Variants in CD164 observed in about 807,000 individuals in gnomAD.
The protein encoded by CD164 is CD164 molecule.
In CD164, 11 loss-of-function variants were observed where a neutral mutation model predicts 24.6. That is an observed-to-expected ratio of 0.45 (90% confidence interval 0.28 to 0.74). The LOEUF (loss-of-function observed/expected upper bound fraction) is 0.74, where lower values mean the gene tolerates loss of function less well. Ranked by LOEUF, CD164 falls within the 30% of genes least tolerant of loss-of-function variation. The pLI, the probability that CD164 is intolerant of heterozygous loss-of-function variation, is 0.13. For missense variants in CD164, 295 were observed against 243.7 expected, an observed-to-expected ratio of 1.21 and a Z score of -1.40; for synonymous variants, 126 against 100.3, an observed-to-expected ratio of 1.26 and a Z score of -1.53.
chr6:109,379,745 C>A, intron 1 of CD164, 83 bp from the exon 2 acceptor site: 5 of 1,017,002 alleles, frequency 4.9e-6, no homozygotes, highest in Non-Finnish European at 7.5e-6. Flanking sequence ...TCTTTTTGAA[C>A]AATAAGCATT....
chr6:109,381,586 T>C, intron 1 of CD164: 1 of 702,570 alleles, frequency 1.4e-6, no homozygotes, highest in East Asian at 2.7e-5. Flanking sequence ...TACTTTGAAG[T>C]GTGAAGTTTT....
chr6:109,381,609 G>A (rs1337144840), intron 1 of CD164: 6 of 702,276 alleles, frequency 8.5e-6, no homozygotes, highest in Non-Finnish European at 1.3e-5. Flanking sequence ...CTAACTACGT[G>A]CTCAAACGTC....
intron 4 of CD164, among the ~76,000 whole-genome samples, chr6:109,374,345 G>A (rs9487078): frequency 0.046 from 6,927 of 152,196 alleles, 193 homozygotes; most frequent in South Asian, 0.093. Context: ...TCAATAGACT[G>A]CTCTTCCTCT....
rs781730714 is a variant in CD164, at chr6:109,368,275, C to T, written c.*576G>A. 7.8e-6 allele frequency: 12 copies of T among 1,540,172 alleles called. No individual in the cohort carries two copies. Among genetic ancestry groups the T allele is most frequent in the Non-Finnish European group, 1.1e-5 (12 of 1,141,068 alleles). On this transcript the variant is annotated 3_prime_UTR_variant, in exon 6 of 6. Transcript: ENST00000310786. ...AATCTGTTATACACACTAATGGTAT[C>T]CTTTCATTTCTTTAAATCTGGAATG...
At chr6:109,375,483 G>C (rs991455899) in intron 4 of CD164, among the ~76,000 whole-genome samples, 7 of 151,940 alleles carry the variant, frequency 4.6e-5, no homozygotes, top group Non-Finnish European at 1.0e-4. Flanking sequence ...TGGGCATGAT[G>C]GCAGGTGCCT....
Position 109,376,095 on chromosome 6 carries a change from C to T in CD164, c.349G>A (p.Val117Met). The change falls in exon 4 of 6, where the codon GTG (valine) becomes ATG (methionine). Residue 117 changes from valine to methionine, a missense_variant. Coordinates refer to ENST00000310786, the MANE Select transcript of CD164 (RefSeq NM_006016.6). ...TTACCTGTAGAATTGGCTGTTGGCACTGGAGTGGCCGTGGAAACTATTAAA... is the reference window on the plus strand; with the variant it reads ...TTACCTGTAGAATTGGCTGTTGGCATTGGAGTGGCCGTGGAAACTATTAAA... Reference protein sequence around the residue: ...DFCSVSTATPVPTANSTAKPT... With the variant: ...DFCSVSTATPMPTANSTAKPT... 1 of 1,567,744 alleles carries T rather than the reference C, an allele frequency of 6.4e-7. No individual in the cohort carries two copies. The highest frequency in any genetic ancestry group is 8.6e-7 in the Non-Finnish European group (1 of 1,168,152).
intron 3 of CD164, 59 bp downstream of exon 3, chr6:109,377,841 G>C (rs2115164543): frequency 8.2e-7 from 1 of 1,224,128 alleles, no homozygotes; most frequent in East Asian, 2.3e-5. Flanking sequence ...GCTTTCTGAG[G>C]CAATGATCTT....
chr6:109,373,081 T>G (rs1342813610), intron 4 of CD164, among the ~76,000 whole-genome samples: 2 of 152,068 alleles, frequency 1.3e-5, no homozygotes, highest in African/African-American at 2.4e-5. Context: ...TTATAAAAGT[T>G]GCTATTAGTG....
At chr6:109,375,097 G>A (rs139957548) in intron 4 of CD164, among the ~76,000 whole-genome samples, 14 of 152,170 alleles carry the variant, frequency 9.2e-5, no homozygotes, top group African/African-American at 3.4e-4. Flanking sequence ...TTGAGGGCAC[G>A]GTAAAAACTT....
intron 1 of CD164, among the ~76,000 whole-genome samples, chr6:109,381,220 T>C (rs1319194435): frequency 1.3e-5 from 2 of 152,210 alleles, no homozygotes; most frequent in East Asian, 1.9e-4. Context: ...CTTCTCTCTT[T>C]TGTGTTGTCA....
intron 1 of CD164, 78 bp from the exon 2 acceptor site, chr6:109,379,740 T>C (rs977342477): frequency 4.6e-6 from 5 of 1,096,082 alleles, no homozygotes; most frequent in Non-Finnish European, 5.4e-6. Context: ...ACTTATCTTT[T>C]TGAACAATAA....
In CD164 at chr6:109,377,969, C is replaced by T; in HGVS notation, c.262G>A (p.Glu88Lys). ...TTCFWIECKDESYCSHNSTVS... is the reference protein window; with the variant it reads ...TTCFWIECKDKSYCSHNSTVS... Reference sequence around the variant, plus strand: ...GTTGAGTTATGTGAACAATAGCTCTCATCTGTTGGGGGGCAGGGGAAAAGA... The same window carrying T: ...GTTGAGTTATGTGAACAATAGCTCTTATCTGTTGGGGGGCAGGGGAAAAGA... The change falls in exon 3 of 6, where the codon GAG becomes AAG. Residue 88 changes from glutamate to lysine, a missense_variant and splice_region_variant. Coordinates refer to ENST00000310786, the MANE Select transcript of CD164 (RefSeq NM_006016.6). The T allele has an allele frequency of 6.2e-7, 1 of 1,612,820 alleles. No individual in the cohort carries two copies. Among genetic ancestry groups the T allele is most frequent in the Non-Finnish European group, 8.5e-7 (1 of 1,179,264 alleles).
chr6:109,369,957 T>G (rs529520573), intron 5 of CD164, among the ~76,000 whole-genome samples: 6 of 152,238 alleles, frequency 3.9e-5, no homozygotes, highest in Non-Finnish European at 8.8e-5. Flanking sequence ...TTCACATTAC[T>G]GAGCAATGTT....
In CD164 at chr6:109,382,317, A is replaced by C; in HGVS notation, c.62T>G (p.Leu21Arg). 1 of 1,574,540 alleles carries C rather than the reference A, an allele frequency of 6.4e-7. No individual in the cohort carries two copies. The highest frequency in any genetic ancestry group is 8.6e-7 in the Non-Finnish European group (1 of 1,164,292). ...AATCLGVLCV[L>R]SADKNTTQHP... ...CTGGGTCGTGTTCTTGTCCGCGGAC[A>C]GCACGCAGAGCACGCCCAGGCAGGT... Residue 21 changes from leucine to arginine, a missense_variant, in exon 1 of 6, where the codon CTG becomes CGG. Leu to Arg is a moderately radical substitution (Grantham distance 102). Transcript: ENST00000310786.
intron 4 of CD164, among the ~76,000 whole-genome samples, chr6:109,375,448 C>T (rs894287440): frequency 1.3e-5 from 2 of 151,472 alleles, no homozygotes; most frequent in African/African-American, 4.9e-5. Flanking sequence ...GAAACCGTGA[C>T]TCTACTAAAA....
chr6:109,376,650 C>T (rs1343904836), intron 3 of CD164, among the ~76,000 whole-genome samples: 1 of 152,136 alleles, frequency 6.6e-6, no homozygotes, highest in Non-Finnish European at 1.5e-5. Flanking sequence ...GGTTTATGTC[C>T]TTCATAGCTG....
chr6:109,368,441 T>C lies in CD164; in HGVS notation c.*410A>G. ...TTGAAATGACAGCCAAAAATCCACC[T>C]AATTGATTCTCATTTGGCACGTTCT... On this transcript the variant is annotated 3_prime_UTR_variant, in exon 6 of 6. Transcript: ENST00000310786. 7.2e-7 allele frequency: 1 copy of C among 1,397,982 alleles called. No homozygotes were observed. The allele number at this position is 1,397,982 out of a possible 1,614,324, so 86.6% of individuals were successfully genotyped here.
At chr6:109,377,792 A>G (rs1393767074) in intron 3 of CD164, 108 bp downstream of exon 3, 1 of 770,942 alleles carries the variant, frequency 1.3e-6, no homozygotes, top group African/African-American at 1.7e-5. Context: ...TAACAAGATG[A>G]GAATTATGGC....
intron 4 of CD164, chr6:109,372,826 G>A (rs1247127412): frequency 6.6e-6 from 1 of 152,060 alleles, no homozygotes; most frequent in African/African-American, 2.4e-5. Flanking sequence ...ACAATGTTAG[G>A]AAAAAAATTC....
Sources: gnomAD v4.1 joint callset for allele counts (sites outside exome capture counted in the v4.1 genomes callset) on GRCh38, gnomAD v4.1.1 for gene constraint, MANE v1.5 for transcripts, NCBI Gene and HGNC (gene_info 2026-07-23, HGNC 2026-07-21) for gene names.